The following HS6ST3 variants were observed in gnomAD, a reference collection of about 807,000 sequenced individuals.
The protein encoded by HS6ST3 is heparan-sulfate 6-O-sulfotransferase 3.
In HS6ST3, 12 loss-of-function variants were observed where a neutral mutation model predicts 36.7. The ratio of observed to expected loss-of-function variants is 0.33; its 90% CI spans 0.21 to 0.53. HS6ST3 has a LOEUF of 0.53. Ranked by LOEUF, HS6ST3 falls within the 20% of genes least tolerant of loss-of-function variation. The pLI is 0.95. For missense variants in HS6ST3, 584 were observed against 640.9 expected, an observed-to-expected ratio of 0.91 and a Z score of 0.96; for synonymous variants, 240 against 257.5, an observed-to-expected ratio of 0.93 and a Z score of 0.65.
At chr13:96,459,860 T>G (rs1473643010) in intron 1 of HS6ST3, among the ~76,000 whole-genome samples, 2 of 152,200 alleles carry the variant, frequency 1.3e-5, no homozygotes, top group East Asian at 3.8e-4. Context: ...GGGTACGGTG[T>G]GTGCATATAT....
chr13:96,171,890 T>A (rs1456907629), intron 1 of HS6ST3, among the ~76,000 whole-genome samples: 3 of 152,138 alleles, frequency 2.0e-5, no homozygotes, highest in Non-Finnish European at 4.4e-5. Flanking sequence ...ACAAACCTCG[T>A]GTTCTAATAA....
At chr13:96,229,971 C>T (rs1189934426) in intron 1 of HS6ST3, among the ~76,000 whole-genome samples, 1 of 152,138 alleles carries the variant, frequency 6.6e-6, no homozygotes, top group Non-Finnish European at 1.5e-5. Flanking sequence ...AGAATATTCT[C>T]TACAGTACAT....
intron 1 of HS6ST3, among the ~76,000 whole-genome samples, chr13:96,737,396 C>T (rs1173745493): frequency 2.6e-5 from 4 of 151,282 alleles, no homozygotes; most frequent in South Asian, 4.2e-4. Flanking sequence ...GAGGCCGAGG[C>T]GGGTGGATCA....
At chr13:96,512,352 T>C (rs74106497) in intron 1 of HS6ST3, among the ~76,000 whole-genome samples, 2,405 of 152,336 alleles carry the variant, frequency 0.016, 62 homozygotes, top group African/African-American at 0.054. Context: ...TTCACAATAT[T>C]GAACTAACTG....
intron 1 of HS6ST3, among the ~76,000 whole-genome samples, chr13:96,646,588 A>G (rs1008910728): frequency 3.9e-5 from 6 of 152,064 alleles, no homozygotes; most frequent in Admixed American, 6.6e-5. Flanking sequence ...CAGTAATTCA[A>G]TTAGGTGAAT....
intron 1 of HS6ST3, among the ~76,000 whole-genome samples, chr13:96,318,386 G>A (rs1057049235): frequency 6.6e-6 from 1 of 152,092 alleles, no homozygotes; most frequent in Non-Finnish European, 1.5e-5. Context: ...ACAAAAATTA[G>A]CCAGGTATGG....
rs747439262 is a variant in HS6ST3, at chr13:96,459,100, TAAAAAAAAA to T, written c.707+367548_707+367556del. On this transcript the variant is annotated intron_variant, in intron 1 of 1. Transcript: ENST00000376705. ...GCCTGGGCGACAGAGCAAGACTGTC[TAAAAAAAAA>T]AAAAAAAAAAAAAAAAGAGGTGACA... Among the ~76,000 whole-genome samples the T allele has an allele frequency of 9.9e-4, 63 of 63,884 alleles. 1 individual carries two copies. Among genetic ancestry groups the T allele is most frequent in the Non-Finnish European group, 1.3e-3 (48 of 37,350 alleles). The allele number at this position is 63,884 out of a possible 152,430, so 41.9% of individuals were successfully genotyped here. A position where few individuals can be genotyped will look rare whatever the true frequency, so the allele number is the denominator to read the frequency against.
chr13:96,337,687 T>G (rs1275046543), intron 1 of HS6ST3, among the ~76,000 whole-genome samples: 1 of 152,218 alleles, frequency 6.6e-6, no homozygotes, highest in Non-Finnish European at 1.5e-5. Flanking sequence ...CTCCCTCATT[T>G]AAGAAATTCA....
At chr13:96,681,397 G>A (rs1264159722) in intron 1 of HS6ST3, among the ~76,000 whole-genome samples, 1 of 151,830 alleles carries the variant, frequency 6.6e-6, no homozygotes, top group African/African-American at 2.4e-5. Context: ...TGATCTCTTA[G>A]CTTATGTCTT....
At chr13:96,140,095 T>C (rs2054023442) in intron 1 of HS6ST3, among the ~76,000 whole-genome samples, 1 of 152,132 alleles carries the variant, frequency 6.6e-6, no homozygotes, top group Admixed American at 6.6e-5. Context: ...TACAGATAGA[T>C]ACCAGTCTAT....
chr13:96,416,612 A>T lies in HS6ST3; in HGVS notation c.707+325043A>T, dbSNP rs75631358. ...ATTGATTGGAGAACATAAAGGTATT[A>T]GGTAGTTACAAAAAAGAATCCTTCT... On this transcript the variant is annotated intron_variant, in intron 1 of 1. Transcript: ENST00000376705. 3.0e-3 allele frequency among the ~76,000 whole-genome samples: 451 copies of T among 151,910 alleles called. 2 individuals carry two copies. Among genetic ancestry groups the T allele is most frequent in the African/African-American group, 0.01 (418 of 41,446 alleles).
At chr13:96,533,083 T>G (rs893646497) in intron 1 of HS6ST3, among the ~76,000 whole-genome samples, 3 of 152,206 alleles carry the variant, frequency 2.0e-5, no homozygotes, top group Admixed American at 2.0e-4. Flanking sequence ...TTCATTCTCC[T>G]TTAAAGATAA....
At chr13:96,138,838 C>T (rs2054015615) in intron 1 of HS6ST3, among the ~76,000 whole-genome samples, 2 of 151,846 alleles carry the variant, frequency 1.3e-5, no homozygotes, top group African/African-American at 4.8e-5. Flanking sequence ...TAAGTACAGA[C>T]TGATTTTAAA....
intron 1 of HS6ST3, among the ~76,000 whole-genome samples, chr13:96,150,652 C>T (rs1026767196): frequency 1.3e-5 from 2 of 152,054 alleles, no homozygotes; most frequent in Non-Finnish European, 2.9e-5. Context: ...GACAGCACAT[C>T]AAGCAGTAAT....
chr13:96,373,719 A>G (rs2055301348), intron 1 of HS6ST3, among the ~76,000 whole-genome samples: 1 of 152,140 alleles, frequency 6.6e-6, no homozygotes, highest in Non-Finnish European at 1.5e-5. Context: ...TTCCTCAAGC[A>G]TTCTCTGCTT....
intron 1 of HS6ST3, among the ~76,000 whole-genome samples, chr13:96,634,890 T>TTGTTG (rs58997196): frequency 6.6e-6 from 1 of 151,878 alleles, no homozygotes. Flanking sequence ...TTTGAGTCAT[T>TTGTTG]AGGTTTAATC....
intron 1 of HS6ST3, among the ~76,000 whole-genome samples, chr13:96,487,537 G>A (rs933376669): frequency 3.9e-5 from 6 of 152,042 alleles, no homozygotes; most frequent in East Asian, 3.9e-4. Context: ...GGCTGGTATC[G>A]GGATTGCTTT....
intron 1 of HS6ST3, among the ~76,000 whole-genome samples, chr13:96,361,017 C>G (rs2055236140): frequency 2.6e-5 from 4 of 150,988 alleles, no homozygotes. Context: ...AGTGCTTAAC[C>G]AAAAGACTAA....
chr13:96,566,855 A>T (rs1158587185), intron 1 of HS6ST3, among the ~76,000 whole-genome samples: 2 of 152,296 alleles, frequency 1.3e-5, no homozygotes, highest in South Asian at 2.1e-4. Context: ...CATTATAAAC[A>T]TATCATTTGG....
Sources: gnomAD v4.1 joint callset for allele counts (sites outside exome capture counted in the v4.1 genomes callset) on GRCh38, gnomAD v4.1.1 for gene constraint, MANE v1.5 for transcripts, NCBI Gene and HGNC (gene_info 2026-07-23, HGNC 2026-07-21) for gene names.